SLC4A8: variants seen among roughly 807,000 people sequenced by gnomAD.
SLC4A8 encodes the protein electroneutral sodium bicarbonate exchanger 1.
SLC4A8 carries 40 observed loss-of-function variants against 125.0 expected under a neutral mutation model. The ratio of observed to expected loss-of-function variants is 0.32; its 90% CI spans 0.25 to 0.42. SLC4A8 has a LOEUF of 0.42. Ranked by LOEUF, SLC4A8 falls within the 10% of genes least tolerant of loss-of-function variation. The probability of loss-of-function intolerance (pLI) is 1.00; values close to 1 mark genes in which losing one functional copy is unlikely to be tolerated. For synonymous variants in SLC4A8, 456 were observed against 476.0 expected, an observed-to-expected ratio of 0.96 and a Z score of 0.55; for missense variants, 863 against 1,355.1, an observed-to-expected ratio of 0.64 and a Z score of 5.70.
intron 2 of SLC4A8, among the ~76,000 whole-genome samples, chr12:51,446,369 T>G (rs911809765): frequency 1.3e-5 from 2 of 152,252 alleles, no homozygotes; most frequent in Non-Finnish European, 2.9e-5. Flanking sequence ...TAATCCTTAC[T>G]GTTTGTTTTT....
intron 8 of SLC4A8, 109 bp downstream of exon 8, chr12:51,460,217 T>C: frequency 1.0e-6 from 1 of 971,116 alleles, no homozygotes; most frequent in Non-Finnish European, 1.6e-6. Context: ...ATTTTAGGAA[T>C]GGTGTTTACA....
intron 2 of SLC4A8, among the ~76,000 whole-genome samples, chr12:51,448,667 A>G (rs972233064): frequency 3.9e-5 from 6 of 152,148 alleles, no homozygotes; most frequent in African/African-American, 1.2e-4. Flanking sequence ...AGAGCACCCA[A>G]GTGGTTTGGA....
At position 51,508,687 on chromosome 12, in the gene SLC4A8, TTTCTC is replaced by T. The variant is rs1049308049; in HGVS notation, c.*1259_*1263del. On this transcript the variant is annotated 3_prime_UTR_variant, in exon 25 of 25. Coordinates refer to ENST00000453097, the MANE Select transcript of SLC4A8 (RefSeq NM_001039960.3). ...TTAATTTAAAACTACATTTATAGTT[TTTCTC>T]TTCTCTTCTATGTTGCAATGAATGT... 2 of 152,424 alleles carry T rather than the reference TTTCTC, an allele frequency of 1.3e-5. No individual in the cohort carries two copies. The highest frequency in any genetic ancestry group is 4.8e-5 in the African/African-American group (2 of 41,452). 9.4% of individuals were successfully genotyped at this position (152,424 alleles called of 1,614,324 possible). A position where few individuals can be genotyped will look rare whatever the true frequency, so the allele number is the denominator to read the frequency against.
chr12:51,504,907 T>C (rs1235913747), intron 23 of SLC4A8, among the ~76,000 whole-genome samples: 6 of 152,188 alleles, frequency 3.9e-5, no homozygotes, highest in African/African-American at 1.4e-4. Flanking sequence ...ACATAGCACT[T>C]GTGTACCTCT....
intron 11 of SLC4A8, 38 bp from the exon 12 acceptor site, chr12:51,469,575 AC>A (rs779530513): frequency 6.3e-7 from 1 of 1,587,678 alleles, no homozygotes; most frequent in South Asian, 1.1e-5. Flanking sequence ...TTTAGGGAAG[AC>A]GGACTGTGTT....
chr12:51,468,648 T>C (rs1432425806), intron 11 of SLC4A8, among the ~76,000 whole-genome samples: 1 of 152,116 alleles, frequency 6.6e-6, no homozygotes, highest in African/African-American at 2.4e-5. Flanking sequence ...CAGTCCCAGC[T>C]ACTCGGGAGG....
intron 22 of SLC4A8, among the ~76,000 whole-genome samples, chr12:51,502,869 C>T (rs1024602340): frequency 3.5e-5 from 5 of 140,904 alleles, no homozygotes; most frequent in Non-Finnish European, 7.5e-5. Flanking sequence ...GATGGAGTCT[C>T]GCTCTGTCGT....
intron 16 of SLC4A8, among the ~76,000 whole-genome samples, chr12:51,475,602 ATCT>A (rs1950833386): frequency 6.6e-6 from 1 of 152,188 alleles, no homozygotes; most frequent in African/African-American, 2.4e-5. Context: ...GGACCCAAAA[ATCT>A]TCTCCCAGGG....
chr12:51,456,600 T>C (rs1950157818), intron 5 of SLC4A8, among the ~76,000 whole-genome samples: 1 of 152,188 alleles, frequency 6.6e-6, no homozygotes, highest in South Asian at 2.1e-4. Flanking sequence ...ATGAGCTCCA[T>C]GTTACAGATG....
At position 51,457,394 on chromosome 12, in the gene SLC4A8, C is replaced by T. The variant is rs181538657; in HGVS notation, c.618C>T (p.Asp206=). ...AAGAACTGTCCAGTGACCTGAATGA[C>T]AGCATGAGGGTTAAAGTGCGGGAAG... ...DQQELSSDLN[D]SMRVKVREAL... The change falls in exon 6 of 25, where the codon GAC becomes GAT. Residue 206 remains aspartate, a synonymous_variant. Coordinates refer to ENST00000453097, the MANE Select transcript of SLC4A8 (RefSeq NM_001039960.3). The T allele has an allele frequency of 6.2e-7, 1 of 1,613,956 alleles. No individual in the cohort carries two copies.
chr12:51,476,828 A>AT (rs893608788), intron 16 of SLC4A8, among the ~76,000 whole-genome samples: 14 of 147,126 alleles, frequency 9.5e-5, no homozygotes, highest in Middle Eastern at 7.1e-3. Context: ...TATTTACGGC[A>AT]TTTTTTTTTC....
At chr12:51,461,073 CTTT>C in intron 8 of SLC4A8, 128 bp from the exon 9 acceptor site, 4 of 425,084 alleles carry the variant, frequency 9.4e-6, no homozygotes, top group Admixed American at 8.0e-5. Context: ...TTACTGTCTT[CTTT>C]TTTTTTTTTG....
At chr12:51,472,345 C>G (rs988596501) in intron 14 of SLC4A8, among the ~76,000 whole-genome samples, 3 of 152,234 alleles carry the variant, frequency 2.0e-5, no homozygotes, top group Non-Finnish European at 4.4e-5. Flanking sequence ...AGTACACTTT[C>G]TGGAGGCATC....
chr12:51,446,013 C>G (rs1949763436), intron 2 of SLC4A8, among the ~76,000 whole-genome samples: 1 of 152,104 alleles, frequency 6.6e-6, no homozygotes, highest in Non-Finnish European at 1.5e-5. Context: ...CATTAACATA[C>G]TATAATGGAA....
intron 1 of SLC4A8, among the ~76,000 whole-genome samples, chr12:51,411,045 GTTTT>G (rs58816269): frequency 8.8e-4 from 108 of 122,924 alleles, no homozygotes; most frequent in East Asian, 1.6e-3. Context: ...TGGCCAATCT[GTTTT>G]TTTTTTTTTT....
chr12:51,400,521 G>A (rs1592137259), intron 1 of SLC4A8, among the ~76,000 whole-genome samples: 1 of 151,434 alleles, frequency 6.6e-6, no homozygotes, highest in East Asian at 2.0e-4. Flanking sequence ...ACCATGGTTA[G>A]TGAGGAAAAA....
chr12:51,450,097 A>T (rs1208369846), intron 2 of SLC4A8, among the ~76,000 whole-genome samples: 2 of 151,946 alleles, frequency 1.3e-5, no homozygotes, highest in Admixed American at 1.3e-4. Flanking sequence ...TTATTTTCTC[A>T]TGTTCCCCTC....
At chr12:51,415,205 A>G (rs1332867194) in intron 1 of SLC4A8, among the ~76,000 whole-genome samples, 2 of 152,110 alleles carry the variant, frequency 1.3e-5, no homozygotes, top group Admixed American at 6.6e-5. Flanking sequence ...AAATACCGCA[A>G]TTACTTTTGC....
intron 1 of SLC4A8, among the ~76,000 whole-genome samples, chr12:51,433,784 T>C (rs778979523): frequency 7.3e-5 from 11 of 151,310 alleles, no homozygotes; most frequent in Non-Finnish European, 1.2e-4. Flanking sequence ...TATAGCAAAG[T>C]AGAGAGATTT....
Sources: gnomAD v4.1 joint callset for allele counts (sites outside exome capture counted in the v4.1 genomes callset) on GRCh38, gnomAD v4.1.1 for gene constraint, MANE v1.5 for transcripts, NCBI Gene and HGNC (gene_info 2026-07-23, HGNC 2026-07-21) for gene names.